YBX3: variants seen among roughly 807,000 people sequenced by gnomAD.
YBX3 encodes the protein Y-box binding protein 3.
Under a neutral mutation model 42.4 loss-of-function variants are expected in YBX3, and 29 were observed. That is an observed-to-expected ratio of 0.68 (90% CI 0.51 to 0.93). YBX3 has a LOEUF of 0.93. YBX3 is among the 40% of genes least tolerant of loss of function. The pLI is 0.00. For synonymous variants in YBX3, 195 were observed against 189.8 expected, an observed-to-expected ratio of 1.03 and a Z score of -0.22; for missense variants, 517 against 527.5, an observed-to-expected ratio of 0.98 and a Z score of 0.19.
intron 1 of YBX3, chr12:10,722,362 T>A (rs1049770034): frequency 6.6e-6 from 1 of 152,394 alleles, no homozygotes; most frequent in Non-Finnish European, 1.5e-5. Context: ...TCCCTCCCCG[T>A]CTCCTTCTAG....
rs1408321296 is a variant in YBX3, at chr12:10,708,508, G to A, written c.780+1400C>T. On this transcript the variant is annotated intron_variant, in intron 6 of 9. Coordinates refer to ENST00000228251, the MANE Select transcript of YBX3 (RefSeq NM_003651.5). ...ATGAGAGCTTTAGGAATTTTCTTTT[G>A]ATGCTCTTGACTGGCTTAACCAGAC... 3.3e-5 allele frequency among the ~76,000 whole-genome samples: 5 copies of A among 152,112 alleles called. No homozygotes were observed. The East Asian group carries it at 9.6e-4, about 29-fold the overall frequency.
At chr12:10,707,025 A>T (rs897653914) in intron 6 of YBX3, among the ~76,000 whole-genome samples, 1 of 151,744 alleles carries the variant, frequency 6.6e-6, no homozygotes, top group African/African-American at 2.4e-5. Flanking sequence ...TCAAAAAATA[A>T]ATAAATAAAT....
intron 5 of YBX3, chr12:10,711,295 T>C (rs1948197171): frequency 6.6e-6 from 1 of 152,076 alleles, no homozygotes; most frequent in Non-Finnish European, 1.5e-5. Context: ...TTTTTAAAAA[T>C]GAATAAATAA....
chr12:10,719,037 G>A (rs1948294847), intron 2 of YBX3, 43 bp downstream of exon 2: 3 of 1,570,428 alleles, frequency 1.9e-6, no homozygotes, highest in Non-Finnish European at 2.6e-6. Flanking sequence ...GTGCCACAAT[G>A]TAAGTATAAA....
chr12:10,715,619 G>A, intron 4 of YBX3, 75 bp downstream of exon 4: 1 of 1,298,136 alleles, frequency 7.7e-7, no homozygotes, highest in South Asian at 1.2e-5. Context: ...CAATTCATAA[G>A]GGGCTGATAG....
At chr12:10,713,058 T>C (rs1481701780) in intron 5 of YBX3, 153 bp downstream of exon 5, 3 of 1,073,900 alleles carry the variant, frequency 2.8e-6, no homozygotes, top group Non-Finnish European at 3.9e-6. Context: ...TTTTAAAAAA[T>C]AAGATAAAAA....
At chr12:10,704,293 T>A (rs2120911410) in intron 6 of YBX3, 145 bp from the exon 7 acceptor site, 1 of 579,408 alleles carries the variant, frequency 1.7e-6, no homozygotes, top group Non-Finnish European at 3.0e-6. Context: ...CAACACAAAC[T>A]ATTTATGAGT....
At chr12:10,716,570 C>T (rs909399084) in intron 3 of YBX3, among the ~76,000 whole-genome samples, 32 of 152,320 alleles carry the variant, frequency 2.1e-4, no homozygotes, top group African/African-American at 7.5e-4. Flanking sequence ...TCAATGAAGG[C>T]AGAAAATAAT....
intron 6 of YBX3, among the ~76,000 whole-genome samples, chr12:10,705,821 G>A (rs528240724): frequency 2.6e-5 from 4 of 151,572 alleles, no homozygotes; most frequent in Non-Finnish European, 4.4e-5. Flanking sequence ...TATCATTACT[G>A]GCCAATGGGA....
At position 10,710,390 on chromosome 12, in the gene YBX3, C is replaced by T. The variant is rs1245600468; in HGVS notation, c.574-276G>A. On this transcript the variant is annotated intron_variant, in intron 5 of 9. Coordinates refer to ENST00000228251, the MANE Select transcript of YBX3 (RefSeq NM_003651.5). ...ATTTAATAGTCATCTCATTAGAACT[C>T]GTATCAGCTAACCAACCACCCGAAG... 1.3e-5 allele frequency: 17 copies of T among 1,348,374 alleles called. No individual in the cohort carries two copies. The East Asian group carries it at 4.5e-4, about 35-fold the overall frequency. The allele number at this position is 1,348,374 out of a possible 1,614,324, so 83.5% of individuals were successfully genotyped here.
chr12:10,701,895 G>A, intron 8 of YBX3, 65 bp downstream of exon 8: 14 of 1,522,584 alleles, frequency 9.2e-6, no homozygotes, highest in Non-Finnish European at 1.2e-5. Flanking sequence ...ACCACTTTTA[G>A]AATGCTAAAG....
At chr12:10,713,153 C>T (rs1948218727) in intron 5 of YBX3, 58 bp downstream of exon 5, 1 of 1,565,424 alleles carries the variant, frequency 6.4e-7, no homozygotes. Flanking sequence ...AGTACATACA[C>T]TTAATTCCAT....
chr12:10,719,375 A>G (rs533940061), intron 1 of YBX3, among the ~76,000 whole-genome samples: 1 of 152,346 alleles, frequency 6.6e-6, no homozygotes, highest in South Asian at 2.1e-4. Context: ...GGAAACTCGC[A>G]AGATAAGGAG....
In YBX3 at chr12:10,701,236, G is replaced by T; in HGVS notation, c.*34+18C>A. On this transcript the variant is annotated intron_variant, in intron 9 of 9. Transcript: ENST00000228251. ...AAAAGAAAATACCAACTCAAGACTG[G>T]GCTGCCCCAGCTCTTACCTGCCGAT... 1 of 771,628 alleles carries T rather than the reference G, an allele frequency of 1.3e-6. No individual in the cohort carries two copies. The highest frequency in any genetic ancestry group is 2.4e-6 in the Non-Finnish European group (1 of 415,904). 47.8% of individuals were successfully genotyped at this position (771,628 alleles called of 1,614,324 possible). A position where few individuals can be genotyped will look rare whatever the true frequency, so the allele number is the denominator to read the frequency against.
In YBX3 at chr12:10,713,264, G is replaced by A. The variant is rs748937054; in HGVS notation, c.520C>T (p.Arg174Trp). The change falls in exon 5 of 10, where the codon CGG becomes TGG. Residue 174 changes from arginine (R) to tryptophan (W), a missense_variant. Transcript: ENST00000228251. ...PVEGSRYAAD[R>W]RRYRRGYYGR... ...TAGTAGCCACGTCTGTAACGGCGCC[G>A]ATCTGCAGCGTAACGACTCCCTTCC... The A allele has an allele frequency of 9.3e-6, 15 of 1,614,002 alleles. No homozygotes were observed. The highest frequency in any genetic ancestry group is 5.5e-5 in the South Asian group (5 of 91,070).
intron 1 of YBX3, 58 bp downstream of exon 1, chr12:10,722,792 C>G (rs1948344727): frequency 3.7e-6 from 5 of 1,336,488 alleles, no homozygotes; most frequent in Non-Finnish European, 4.8e-6. Context: ...ACACGTGCTC[C>G]GCGGCCGGCT....
intron 6 of YBX3, 134 bp downstream of exon 6, chr12:10,709,774 C>T: frequency 9.1e-7 from 1 of 1,100,112 alleles, no homozygotes; most frequent in Non-Finnish European, 1.4e-6. Context: ...GAAGGCCTTG[C>T]CTCAGCTTTT....
In YBX3 at chr12:10,723,226, G is replaced by T. The variant is rs1401941493; in HGVS notation, c.-115C>A. The stretch of plus-strand genomic sequence containing the variant: ...TCTCGGGGAGGCCGGGGCGGATCTC[G>T]CGGCGCAGGCGGCGGCGGCCGAGGT... On this transcript the variant is annotated 5_prime_UTR_variant, in exon 1 of 10. Coordinates refer to ENST00000228251, the MANE Select transcript of YBX3 (RefSeq NM_003651.5). The T allele has an allele frequency of 8.6e-7, 1 of 1,168,624 alleles. No individual in the cohort carries two copies. Among genetic ancestry groups the T allele is most frequent in the Non-Finnish European group, 1.1e-6 (1 of 947,216 alleles). The allele number at this position is 1,168,624 out of a possible 1,614,324, so 72.4% of individuals were successfully genotyped here. A position where few individuals can be genotyped will look rare whatever the true frequency, so the allele number is the denominator to read the frequency against.
At chr12:10,708,098 T>C (rs1383033194) in intron 6 of YBX3, among the ~76,000 whole-genome samples, 1 of 152,234 alleles carries the variant, frequency 6.6e-6, no homozygotes, top group East Asian at 1.9e-4. Context: ...ATTCCAAATA[T>C]CTGTCACCTG....
Sources: allele counts gnomAD v4.1 joint callset (sites outside exome capture counted in the v4.1 genomes callset), GRCh38; gene constraint gnomAD v4.1.1; transcripts MANE v1.5; gene names NCBI Gene and HGNC (gene_info 2026-07-23, HGNC 2026-07-21).